PIAS1: variants seen among roughly 807,000 people sequenced by gnomAD.
PIAS1 encodes protein inhibitor of activated STAT 1, also known as E3 SUMO-protein ligase PIAS1.
PIAS1 carries 6 observed loss-of-function variants against 71.3 expected under a neutral mutation model. That is an observed-to-expected ratio of 0.08 (90% CI 0.05 to 0.17). The LOEUF (loss-of-function observed/expected upper bound fraction) is 0.17. PIAS1 is among the 10% of genes least tolerant of loss of function. PIAS1 has a pLI of 1.00. For missense variants in PIAS1, 555 were observed against 793.6 expected, an observed-to-expected ratio of 0.70 and a Z score of 3.61; for synonymous variants, 303 against 292.9, an observed-to-expected ratio of 1.03 and a Z score of -0.35.
rs373173077 is a variant in PIAS1, at chr15:68,120,114, G to C, written c.470-21832G>C. 9.9e-5 allele frequency among the ~76,000 whole-genome samples: 15 copies of C among 152,238 alleles called. 1 individual carries two copies. Among genetic ancestry groups the C allele is most frequent in the African/African-American group, 1.7e-4 (7 of 41,556 alleles). ...CATGCCACCATGCCCAGGTCATCCAGCTTTGTTTTGGTCATGGTATATCTT... is the reference window on the plus strand; with the variant it reads ...CATGCCACCATGCCCAGGTCATCCACCTTTGTTTTGGTCATGGTATATCTT... On this transcript the variant is annotated intron_variant, in intron 2 of 13. Coordinates refer to ENST00000249636, the MANE Select transcript of PIAS1 (RefSeq NM_016166.3).
At chr15:68,107,856 G>A (rs1413282931) in intron 2 of PIAS1, among the ~76,000 whole-genome samples, 1 of 151,130 alleles carries the variant, frequency 6.6e-6, no homozygotes, top group Non-Finnish European at 1.5e-5. Flanking sequence ...CAGTAAATAC[G>A]ATACATGGTT....
chr15:68,140,210 A>G (rs2092761092), intron 2 of PIAS1, among the ~76,000 whole-genome samples: 1 of 152,200 alleles, frequency 6.6e-6, no homozygotes, highest in Non-Finnish European at 1.5e-5. Context: ...CTAAACCTAT[A>G]TATATCCAAA....
intron 7 of PIAS1, among the ~76,000 whole-genome samples, chr15:68,156,300 C>T (rs1209027633): frequency 6.6e-6 from 1 of 152,172 alleles, no homozygotes; most frequent in Non-Finnish European, 1.5e-5. Context: ...GAACGTAGTC[C>T]TCTCTGATAC....
At chr15:68,083,366 T>A (rs1199973336) in intron 1 of PIAS1, among the ~76,000 whole-genome samples, 1 of 152,138 alleles carries the variant, frequency 6.6e-6, no homozygotes, top group Non-Finnish European at 1.5e-5. Flanking sequence ...TGCATGCTTA[T>A]CACAGTCCTT....
At chr15:68,122,313 C>T (rs1183882791) in intron 2 of PIAS1, among the ~76,000 whole-genome samples, 1 of 152,152 alleles carries the variant, frequency 6.6e-6, no homozygotes, top group Non-Finnish European at 1.5e-5. Context: ...TTATATCTGA[C>T]AGTCGCAGGT....
intron 1 of PIAS1, among the ~76,000 whole-genome samples, chr15:68,060,846 G>T (rs966399096): frequency 5.9e-5 from 9 of 152,192 alleles, no homozygotes; most frequent in Non-Finnish European, 1.3e-4. Context: ...ACTGCGCCCA[G>T]CTAATTTTTG....
At chr15:68,084,283 C>T (rs1244467190) in intron 1 of PIAS1, among the ~76,000 whole-genome samples, 6 of 151,852 alleles carry the variant, frequency 4.0e-5, no homozygotes, top group Non-Finnish European at 5.9e-5. Flanking sequence ...TTGACCCATG[C>T]CAACTTAAAT....
At chr15:68,091,435 G>A (rs2092331919) in intron 2 of PIAS1, among the ~76,000 whole-genome samples, 1 of 152,008 alleles carries the variant, frequency 6.6e-6, no homozygotes, top group Non-Finnish European at 1.5e-5. Flanking sequence ...TCAGACTTAA[G>A]TATAAACAAA....
intron 2 of PIAS1, among the ~76,000 whole-genome samples, chr15:68,087,550 T>C (rs1308146157): frequency 6.6e-6 from 1 of 152,176 alleles, no homozygotes; most frequent in Admixed American, 6.5e-5. Flanking sequence ...GGCCTGTTTT[T>C]ATGTGGTTCT....
chr15:68,075,657 T>C (rs1244109875), intron 1 of PIAS1, among the ~76,000 whole-genome samples: 1 of 152,196 alleles, frequency 6.6e-6, no homozygotes, highest in East Asian at 1.9e-4. Flanking sequence ...ATTAATAGGC[T>C]TCTGATGGAA....
chr15:68,080,250 T>G (rs997184003), intron 1 of PIAS1, among the ~76,000 whole-genome samples: 7 of 152,210 alleles, frequency 4.6e-5, no homozygotes, highest in African/African-American at 1.7e-4. Flanking sequence ...TATCAAAAAT[T>G]AAAGCCATGG....
intron 5 of PIAS1, among the ~76,000 whole-genome samples, 172 bp downstream of exon 5, chr15:68,146,078 C>G (rs1204698156): frequency 6.6e-6 from 1 of 152,080 alleles, no homozygotes; most frequent in Non-Finnish European, 1.5e-5. Flanking sequence ...GCAGCAGTGA[C>G]ATTAGCTTTG....
chr15:68,083,626 A>G (rs567805665), intron 1 of PIAS1, among the ~76,000 whole-genome samples: 1 of 152,262 alleles, frequency 6.6e-6, no homozygotes, highest in East Asian at 1.9e-4. Context: ...ATATTATAGC[A>G]TGAAAGAAAG....
At chr15:68,183,799 T>A (rs1045960346) in intron 13 of PIAS1, 132 bp downstream of exon 13, 5 of 538,832 alleles carry the variant, frequency 9.3e-6, no homozygotes, top group Admixed American at 6.7e-5. Flanking sequence ...GAAAAATCCC[T>A]ACATCAATTA....
chr15:68,146,742 G>A (rs1461179868), intron 6 of PIAS1, 42 bp downstream of exon 6: 10 of 1,500,350 alleles, frequency 6.7e-6, no homozygotes, highest in South Asian at 1.2e-5. Flanking sequence ...GTATTATAAG[G>A]AGGGGTTAAT....
At chr15:68,159,342 CTT>C (rs768700846) in intron 7 of PIAS1, among the ~76,000 whole-genome samples, 4 of 152,186 alleles carry the variant, frequency 2.6e-5, no homozygotes, top group Middle Eastern at 6.8e-3. Context: ...CGTTTTCTCT[CTT>C]TCTTTTGAGA....
chr15:68,073,407 A>G (rs2092123951), intron 1 of PIAS1, among the ~76,000 whole-genome samples: 1 of 152,214 alleles, frequency 6.6e-6, no homozygotes, highest in African/African-American at 2.4e-5. Flanking sequence ...CATATTTATT[A>G]ATGATGAACA....
rs113185252 is a variant in PIAS1, at chr15:68,054,806, T to C, written c.24+456T>C. Reference sequence around the variant, plus strand: ...CCCGGGCTCCTGTCAGGCGCTCTTCTCAGACCCCCGGGAACTTGGCTTCGG... The same window carrying C: ...CCCGGGCTCCTGTCAGGCGCTCTTCCCAGACCCCCGGGAACTTGGCTTCGG... On this transcript the variant is annotated intron_variant, in intron 1 of 13. Transcript: ENST00000249636. This position sits in a 1 kb window ranked among gnomAD's most constrained non-coding sequence, Gnocchi z 4.6. The C allele has an allele frequency of 0.022, 3,363 of 153,282 alleles. 123 individuals carry two copies. Among genetic ancestry groups the C allele is most frequent in the African/African-American group, 0.076 (3,172 of 41,562 alleles). 9.5% of individuals were successfully genotyped at this position (153,282 alleles called of 1,614,324 possible). A position where few individuals can be genotyped will look rare whatever the true frequency, so the allele number is the denominator to read the frequency against.
intron 2 of PIAS1, among the ~76,000 whole-genome samples, chr15:68,108,852 T>C (rs780326922): frequency 6.6e-6 from 1 of 152,204 alleles, no homozygotes; most frequent in Non-Finnish European, 1.5e-5. Context: ...CTGACCATTC[T>C]CATGACCTTT....
Sources: gnomAD v4.1 joint callset for allele counts (sites outside exome capture counted in the v4.1 genomes callset) on GRCh38, gnomAD v4.1.1 for gene constraint, Gnocchi (gnomAD v3.1) non-coding constraint, MANE v1.5 for transcripts, NCBI Gene and HGNC (gene_info 2026-07-23, HGNC 2026-07-21) for gene names.